The following AGMO variants were observed in gnomAD, a reference collection of about 807,000 sequenced individuals.
The protein encoded by AGMO is glyceryl-ether monooxygenase.
Under a neutral mutation model 60.2 loss-of-function variants are expected in AGMO, and 75 were observed. That is an observed-to-expected ratio of 1.25 (90% CI 1.03 to 1.51). The LOEUF (loss-of-function observed/expected upper bound fraction) is 1.51. AGMO is among the 40% of genes most tolerant of loss of function. The probability of loss-of-function intolerance (pLI) is 0.00; values close to 1 mark genes in which losing one functional copy is unlikely to be tolerated. For synonymous variants in AGMO, 261 were observed against 177.1 expected (o/e 1.47, Z -3.76); for missense variants, 763 against 525.5 (o/e 1.45, Z -4.42).
At chr7:15,378,639 C>CA (rs1562471489) in intron 10 of AGMO, among the ~76,000 whole-genome samples, 1 of 151,778 alleles carries the variant, frequency 6.6e-6, no homozygotes, top group Non-Finnish European at 1.5e-5. Context: ...ATCATCCAGA[C>CA]AGAGAATTAA....
At chr7:15,529,776 AT>A (rs1251688269) in intron 3 of AGMO, among the ~76,000 whole-genome samples, 37 of 107,724 alleles carry the variant, frequency 3.4e-4, no homozygotes, top group African/African-American at 1.3e-3. Flanking sequence ...CTCTATATAT[AT>A]TTCTCTATAT....
chr7:15,289,874 T>C (rs1775615758), intron 12 of AGMO, among the ~76,000 whole-genome samples: 2 of 151,952 alleles, frequency 1.3e-5, no homozygotes, highest in South Asian at 4.2e-4. Flanking sequence ...CCTAATTCTT[T>C]GTCTTAATTT....
chr7:15,560,404 T>C, intron 1 of AGMO, 133 bp from the exon 2 acceptor site: 1 of 854,658 alleles, frequency 1.2e-6, no homozygotes. Context: ...ACACTCATTT[T>C]AGAGGATTAC....
At chr7:15,235,996 G>C (rs906020442) in intron 12 of AGMO, among the ~76,000 whole-genome samples, 2 of 152,088 alleles carry the variant, frequency 1.3e-5, no homozygotes, top group Non-Finnish European at 2.9e-5. Flanking sequence ...TATTATTAGT[G>C]GATGGGACCT....
chr7:15,119,879 G>T, the AGMO span, among the ~76,000 whole-genome samples: 300 of 149,946 alleles, frequency 2.0e-3, 4 homozygotes, highest in Admixed American at 0.019. Context: ...CCCAGCATTA[G>T]TTTTCACACC....
intron 8 of AGMO, among the ~76,000 whole-genome samples, chr7:15,389,047 T>G (rs997249026): frequency 1.3e-5 from 2 of 152,216 alleles, no homozygotes; most frequent in Admixed American, 1.3e-4. Flanking sequence ...TTATTGTATT[T>G]AATATTCACT....
At chr7:15,479,193 G>C (rs900556373) in intron 3 of AGMO, among the ~76,000 whole-genome samples, 3 of 152,112 alleles carry the variant, frequency 2.0e-5, no homozygotes, top group African/African-American at 4.8e-5. Context: ...AAAAAGAGGG[G>C]ACAACCTAAA....
At chr7:15,507,434 A>G (rs1187797622) in intron 3 of AGMO, among the ~76,000 whole-genome samples, 1 of 152,118 alleles carries the variant, frequency 6.6e-6, no homozygotes, top group Non-Finnish European at 1.5e-5. Flanking sequence ...AAGAATTCAT[A>G]GGAATTACGT....
intron 10 of AGMO, among the ~76,000 whole-genome samples, chr7:15,375,369 ACTTT>A (rs1268135542): frequency 4.7e-5 from 7 of 150,232 alleles, no homozygotes; most frequent in African/African-American, 7.4e-5. Flanking sequence ...GACAGATCAG[ACTTT>A]CTTTCTAAAA....
intron 12 of AGMO, among the ~76,000 whole-genome samples, chr7:15,256,805 C>T (rs1783113437): frequency 6.6e-6 from 1 of 152,130 alleles, no homozygotes; most frequent in Non-Finnish European, 1.5e-5. Context: ...TAGGCTATTC[C>T]ACCTAGGTTT....
intron 6 of AGMO, among the ~76,000 whole-genome samples, chr7:15,392,114 G>A (rs930289186): frequency 6.6e-6 from 1 of 151,660 alleles, no homozygotes; most frequent in Non-Finnish European, 1.5e-5. Flanking sequence ...CTGTTGTCCA[G>A]GCTGGAGTGC....
At chr7:15,536,290 G>A (rs568551150) in intron 3 of AGMO, among the ~76,000 whole-genome samples, 1 of 151,882 alleles carries the variant, frequency 6.6e-6, no homozygotes, top group East Asian at 1.9e-4. Context: ...CAGGGAACTT[G>A]GCTCCAGAAT....
chr7:15,336,182 T>C (rs144723842), intron 12 of AGMO, among the ~76,000 whole-genome samples: 2 of 152,224 alleles, frequency 1.3e-5, no homozygotes, highest in Non-Finnish European at 2.9e-5. Flanking sequence ...TCATCTCTTC[T>C]AACACATTCA....
chr7:15,322,493 TATA>T (rs1236026932), intron 12 of AGMO, among the ~76,000 whole-genome samples: 11 of 81,616 alleles, frequency 1.3e-4, no homozygotes, highest in South Asian at 3.8e-4. Flanking sequence ...TATAAATATA[TATA>T]AATATATAAA....
the AGMO span, among the ~76,000 whole-genome samples, chr7:15,151,551 TTTAA>T: frequency 6.6e-6 from 1 of 152,162 alleles, no homozygotes; most frequent in Non-Finnish European, 1.5e-5. Flanking sequence ...TCTGTTTTAA[TTTAA>T]TTGTTTATGC....
chr7:15,316,440 T>C (rs1780928276), intron 12 of AGMO, among the ~76,000 whole-genome samples: 1 of 152,080 alleles, frequency 6.6e-6, no homozygotes, highest in Non-Finnish European at 1.5e-5. Context: ...AACAAAGTAC[T>C]CATTGAGTCT....
At chr7:15,288,470 C>A (rs1272337127) in intron 12 of AGMO, among the ~76,000 whole-genome samples, 1 of 151,920 alleles carries the variant, frequency 6.6e-6, no homozygotes, top group Non-Finnish European at 1.5e-5. Context: ...AAAAATGAAT[C>A]TTTTATTTTT....
intron 5 of AGMO, among the ~76,000 whole-genome samples, chr7:15,411,942 T>C (rs1780624009): frequency 6.6e-6 from 1 of 152,128 alleles, no homozygotes; most frequent in African/African-American, 2.4e-5. Context: ...AGACTTCCAT[T>C]AATTTTGGAT....
At position 15,392,752 on chromosome 7, in the gene AGMO, T is replaced by C. The variant is rs965688192; in HGVS notation, c.676+1361A>G. Among the ~76,000 whole-genome samples, 4 of 152,128 alleles carry C rather than the reference T, an allele frequency of 2.6e-5. No homozygotes were observed. The South Asian group carries it at 8.3e-4, about 32-fold the overall frequency. ...AGGCGGATGTTGCAGTGAGCCCAGA[T>C]TGTGCCACTACACTCCAGCCTGGGC... On this transcript the variant is annotated intron_variant, in intron 6 of 12. Coordinates refer to ENST00000342526, the MANE Select transcript of AGMO (RefSeq NM_001004320.2).
Sources: gnomAD v4.1 joint callset for allele counts (sites outside exome capture counted in the v4.1 genomes callset) on GRCh38, gnomAD v4.1.1 for gene constraint, MANE v1.5 for transcripts, NCBI Gene and HGNC (gene_info 2026-07-23, HGNC 2026-07-21) for gene names.